UBR2: variants seen among roughly 807,000 people sequenced by gnomAD.
The protein encoded by UBR2 is ubiquitin protein ligase E3 component n-recognin 2.
Under a neutral mutation model 247.9 loss-of-function variants are expected in UBR2, and 92 were observed. That is an observed-to-expected ratio of 0.37 (90% CI 0.31 to 0.44). The LOEUF is 0.44. Ranked by LOEUF, UBR2 falls within the 20% of genes least tolerant of loss-of-function variation. UBR2 has a pLI of 1.00. For synonymous variants in UBR2, 672 were observed against 693.5 expected (o/e 0.97, Z 0.49); for missense variants, 1,613 against 2,112.6 (o/e 0.76, Z 4.64).
rs1001199042 is a variant in UBR2, at chr6:42,606,744, CAAATG to C, written c.864+97_864+101del. 17 of 1,025,218 alleles carry C rather than the reference CAAATG, an allele frequency of 1.7e-5. No homozygotes were observed. In the African/African-American group the frequency reaches 2.5e-4, roughly 15 times the overall value. The allele number at this position is 1,025,218 out of a possible 1,614,324, so 63.5% of individuals were successfully genotyped here. ...TTATGAACATGTCTTTCTGCTTTCT[CAAATG>C]AAAACCAAAAATTATGTTTAAAGAT... is the stretch of plus-strand genomic sequence containing the variant. On this transcript the variant is annotated intron_variant, in intron 7 of 46. Coordinates refer to ENST00000372901, the MANE Select transcript of UBR2 (RefSeq NM_001363705.2).
At chr6:42,649,270 A>G (rs752214065) in intron 22 of UBR2, among the ~76,000 whole-genome samples, 1 of 152,164 alleles carries the variant, frequency 6.6e-6, no homozygotes, top group African/African-American at 2.4e-5. Context: ...CGGCCTCTCA[A>G]AGTGCTGAGA....
At chr6:42,681,938 G>A (rs1020919466) in intron 42 of UBR2, among the ~76,000 whole-genome samples, 2 of 152,140 alleles carry the variant, frequency 1.3e-5, no homozygotes, top group African/African-American at 4.8e-5. Flanking sequence ...GCCAGGTGTG[G>A]TGGTGCACGC....
chr6:42,587,812 G>T (rs578122649), intron 2 of UBR2, among the ~76,000 whole-genome samples: 6 of 151,956 alleles, frequency 3.9e-5, no homozygotes, highest in African/African-American at 9.7e-5. Flanking sequence ...ATTGTCTATG[G>T]CCATACCACC....
chr6:42,625,126 CACTTT>C (rs1423798088), intron 11 of UBR2, among the ~76,000 whole-genome samples: 6 of 152,110 alleles, frequency 3.9e-5, no homozygotes, highest in African/African-American at 1.4e-4. Context: ...TTTGCAAAGG[CACTTT>C]ACTCACTTAA....
At chr6:42,627,678 T>TA (rs758583596) in intron 11 of UBR2, among the ~76,000 whole-genome samples, 10 of 151,916 alleles carry the variant, frequency 6.6e-5, no homozygotes, top group African/African-American at 1.5e-4. Context: ...TTTTTTTTTT[T>TA]ATCTCTTATT....
intron 23 of UBR2, among the ~76,000 whole-genome samples, chr6:42,651,566 C>T (rs1031483873): frequency 6.6e-6 from 1 of 152,060 alleles, no homozygotes; most frequent in African/African-American, 2.4e-5. Flanking sequence ...CCTCGGCTCA[C>T]TAGAGCCCCT....
At chr6:42,597,753 C>G (rs763213258) in intron 4 of UBR2, among the ~76,000 whole-genome samples, 21 of 151,662 alleles carry the variant, frequency 1.4e-4, no homozygotes, top group Non-Finnish European at 2.2e-4. Flanking sequence ...CCCGTCTCTA[C>G]TAAAAATACA....
intron 34 of UBR2, among the ~76,000 whole-genome samples, chr6:42,668,283 A>C (rs1034526755): frequency 2.0e-5 from 3 of 152,170 alleles, no homozygotes; most frequent in African/African-American, 7.2e-5. Context: ...GTATATTTTC[A>C]TGTTCGAAAA....
Position 42,641,696 on chromosome 6 carries a change from A to C in UBR2, c.2031+4A>C, listed in dbSNP as rs894833802. ...TGGGTTCTCTCTAGTAAACCAGGTA[A>C]GTGTTTTCTAATTCTATGAAGAGTT... On this transcript the variant is annotated splice_donor_region_variant and intron_variant, in intron 17 of 46. Transcript: ENST00000372901. 3 of 1,602,254 alleles carry C rather than the reference A, an allele frequency of 1.9e-6. No individual in the cohort carries two copies. The African/African-American group carries it at 4.0e-5, about 22-fold the overall frequency.
intron 44 of UBR2, among the ~76,000 whole-genome samples, chr6:42,685,618 C>A (rs1799340648): frequency 6.6e-6 from 1 of 151,954 alleles, no homozygotes; most frequent in African/African-American, 2.4e-5. Flanking sequence ...GCATGCACCA[C>A]AACGCCCAGC....
rs2151985361 is a variant in UBR2, at chr6:42,673,787, T to A, written c.4087-4T>A. 6.2e-7 allele frequency: 1 copy of A among 1,610,204 alleles called. No homozygotes were observed. Among genetic ancestry groups the A allele is most frequent in the South Asian group, 1.1e-5 (1 of 90,358 alleles). Reference sequence around the variant, plus strand: ...TTTTTGTTAATTGCGTTGGTTTATTTTAGGATGACTGTCTTAGGTCATTGA... The same window carrying A: ...TTTTTGTTAATTGCGTTGGTTTATTATAGGATGACTGTCTTAGGTCATTGA... On this transcript the variant is annotated splice_region_variant and splice_polypyrimidine_tract_variant and intron_variant, in intron 36 of 46. Coordinates refer to ENST00000372901, the MANE Select transcript of UBR2 (RefSeq NM_001363705.2).
chr6:42,617,316 A>G (rs373359192), intron 10 of UBR2, 93 bp from the exon 11 acceptor site: 202 of 1,614,104 alleles, frequency 1.3e-4, no homozygotes, highest in Non-Finnish European at 1.6e-4. Flanking sequence ...CTATCTGTCC[A>G]GTTCTTCACC....
intron 11 of UBR2, among the ~76,000 whole-genome samples, chr6:42,627,629 C>T (rs1795437454): frequency 6.6e-6 from 1 of 152,008 alleles, no homozygotes; most frequent in African/African-American, 2.4e-5. Flanking sequence ...TCCTGAGTAG[C>T]TGGGACTACA....
Position 42,665,430 on chromosome 6 carries a change from A to G in UBR2, c.3720A>G (p.Gln1240=). ...CTAGCAGGTTAAATTTTTCAGACCA[A>G]CCAAATCTGACTCAGTGGATTAGAA... The part of the protein sequence containing the change: ...IFNNRLNFSD[Q]PNLTQWIRTI... The change falls in exon 33 of 47, where the codon CAA becomes CAG. Residue 1240 remains glutamine (Q), a synonymous_variant. Transcript: ENST00000372901. 1 of 1,612,872 alleles carries G rather than the reference A, an allele frequency of 6.2e-7. No homozygotes were observed. The highest frequency in any genetic ancestry group is 2.2e-5 in the East Asian group (1 of 44,746).
chr6:42,642,649 T>C (rs185924418), intron 18 of UBR2, among the ~76,000 whole-genome samples, 168 bp downstream of exon 18: 1 of 152,318 alleles, frequency 6.6e-6, no homozygotes, highest in African/African-American at 2.4e-5. Flanking sequence ...CATTTCCATC[T>C]ATATTTCCTA....
chr6:42,661,139 A>G (rs1424423405), intron 30 of UBR2, among the ~76,000 whole-genome samples: 1 of 150,018 alleles, frequency 6.7e-6, no homozygotes, highest in Non-Finnish European at 1.5e-5. Flanking sequence ...TAAAAAATAC[A>G]AAAAAAAATT....
At chr6:42,686,968 C>T (rs1302503980) in intron 44 of UBR2, among the ~76,000 whole-genome samples, 1 of 151,440 alleles carries the variant, frequency 6.6e-6, no homozygotes, top group Admixed American at 6.6e-5. Flanking sequence ...AGACGATGGG[C>T]GGCCGGGCAG....
intron 3 of UBR2, 152 bp downstream of exon 3, chr6:42,592,381 C>T: frequency 2.0e-6 from 1 of 509,294 alleles, no homozygotes. Context: ...TATAGGGTGC[C>T]AGTGTAGAAA....
chr6:42,652,749 T>G (rs1797199074), intron 25 of UBR2, 104 bp downstream of exon 25: 6 of 1,093,960 alleles, frequency 5.5e-6, no homozygotes, highest in Non-Finnish European at 7.8e-6. Flanking sequence ...AAATGTATTG[T>G]GTTTTCCTAA....
Sources: allele counts gnomAD v4.1 joint callset (sites outside exome capture counted in the v4.1 genomes callset), GRCh38; gene constraint gnomAD v4.1.1; transcripts MANE v1.5; gene names NCBI Gene and HGNC (gene_info 2026-07-23, HGNC 2026-07-21).